PELP1: variants seen among roughly 807,000 people sequenced by gnomAD.
The protein encoded by PELP1 is proline-, glutamic acid- and leucine-rich protein 1.
PELP1 carries 32 observed loss-of-function variants against 95.5 expected under a neutral mutation model. The observed-to-expected ratio is 0.34, with a 90% CI of 0.25 to 0.45. The LOEUF (loss-of-function observed/expected upper bound fraction) is 0.45. Ranked by LOEUF, PELP1 falls within the 20% of genes least tolerant of loss-of-function variation. PELP1 has a pLI of 1.00. For synonymous variants in PELP1, 668 were observed against 600.1 expected, an observed-to-expected ratio of 1.11 and a Z score of -1.65; for missense variants, 1,358 against 1,444.8, an observed-to-expected ratio of 0.94 and a Z score of 0.97.
chr17:4,671,567 A>G, intron 16 of PELP1, 36 bp from the exon 17 acceptor site: 1 of 1,611,188 alleles, frequency 6.2e-7, no homozygotes, highest in South Asian at 1.1e-5. Flanking sequence ...CAGAATAGTC[A>G]CACACACATA....
chr17:4,671,817 G>A lies in PELP1; in HGVS notation c.3174C>T (p.Pro1058=), dbSNP rs537403472. 2.6e-6 allele frequency: 4 copies of A among 1,512,824 alleles called. No individual in the cohort carries two copies. Among genetic ancestry groups the A allele is most frequent in the South Asian group, 2.8e-5 (2 of 72,498 alleles). 93.7% of individuals were successfully genotyped at this position (1,512,824 alleles called of 1,614,324 possible). A position where few individuals can be genotyped will look rare whatever the true frequency, so the allele number is the denominator to read the frequency against. The change falls in exon 16 of 17, where the codon CCC becomes CCT. Residue 1058 remains proline, a synonymous_variant. Transcript: ENST00000572293. Reference sequence around the variant, plus strand: ...CTTCCAACAGGGTTGGGGGAGCAGAGGGCTCTTCTTCAACAAGCTCCTGGG... The same window carrying A: ...CTTCCAACAGGGTTGGGGGAGCAGAAGGCTCTTCTTCAACAAGCTCCTGGG... ...PPPQELVEEE[P]SAPPTLLEEE... is the part of the protein sequence containing the mutation.
At chr17:4,676,260 C>T in intron 7 of PELP1, 97 bp downstream of exon 7, 1 of 1,577,706 alleles carries the variant, frequency 6.3e-7, no homozygotes, top group Non-Finnish European at 8.6e-7. Context: ...CCATTTTCCC[C>T]AAAAACCAAC....
intron 3 of PELP1, among the ~76,000 whole-genome samples, chr17:4,688,832 A>C (rs999210087): frequency 6.6e-6 from 1 of 152,218 alleles, no homozygotes; most frequent in African/African-American, 2.4e-5. Context: ...TTCTTCACAG[A>C]ACTCGAAAAA....
At chr17:4,689,576 C>T (rs1001823468) in intron 3 of PELP1, among the ~76,000 whole-genome samples, 12 of 152,194 alleles carry the variant, frequency 7.9e-5, no homozygotes, top group African/African-American at 2.9e-4. Flanking sequence ...ACATCACTAC[C>T]ATTTGATCCA....
chr17:4,672,251 C>T lies in PELP1; in HGVS notation c.2740G>A (p.Glu914Lys), dbSNP rs376883779. 54 of 1,552,792 alleles carry T rather than the reference C, an allele frequency of 3.5e-5. No individual in the cohort carries two copies. Among genetic ancestry groups the T allele is most frequent in the Non-Finnish European group, 7.8e-6 (9 of 1,147,546 alleles). ...EEEEEDFEEE[E>K]EDEEEYFEEE... is the part of the protein sequence containing the mutation. ...TCAAAATATTCCTCTTCATCCTCTT[C>T]CTCTTCCTCAAAGTCTTCCTCCTCT... Residue 914 changes from glutamate to lysine, a missense_variant, in exon 16 of 17, where the codon GAA becomes AAA. Glu to Lys is a moderately conservative substitution (Grantham distance 56). Around this residue, in one of 7 missense-constraint regions of PELP1, gnomAD observed 283 missense variants for 284.1 expected, o/e 1.00. Coordinates refer to ENST00000572293, the MANE Select transcript of PELP1 (RefSeq NM_014389.3).
Position 4,676,665 on chromosome 17 carries a change from A to G in PELP1, c.702+88T>C, listed in dbSNP as rs1310324417. On this transcript the variant is annotated intron_variant, in intron 6 of 16. Transcript: ENST00000572293. ...CCGAAGGACACAGATGGGCATATGAAGGCAGGACAGAAAAGCTAGAGGAGG... is the reference window on the plus strand; with the variant it reads ...CCGAAGGACACAGATGGGCATATGAGGGCAGGACAGAAAAGCTAGAGGAGG... 31 of 1,387,462 alleles carry G rather than the reference A, an allele frequency of 2.2e-5. 1 individual carries two copies. Among genetic ancestry groups the G allele is most frequent in the Non-Finnish European group, 2.9e-5 (29 of 997,950 alleles). The allele number at this position is 1,387,462 out of a possible 1,614,324, so 85.9% of individuals were successfully genotyped here.
chr17:4,697,517 GAAAC>G (rs2150566080), intron 1 of PELP1, among the ~76,000 whole-genome samples: 2 of 152,220 alleles, frequency 1.3e-5, no homozygotes, highest in South Asian at 2.1e-4. Context: ...CTGTCTCAAT[GAAAC>G]AAACAAACAA....
At chr17:4,697,477 G>A (rs544583112) in intron 1 of PELP1, among the ~76,000 whole-genome samples, 1 of 152,098 alleles carries the variant, frequency 6.6e-6, no homozygotes, top group Non-Finnish European at 1.5e-5. Flanking sequence ...TCGCGCCACT[G>A]CACTCCAGCC....
At chr17:4,700,794 G>A (rs1327450869) in intron 1 of PELP1, among the ~76,000 whole-genome samples, 1 of 151,492 alleles carries the variant, frequency 6.6e-6, no homozygotes, top group Admixed American at 6.6e-5. Context: ...AGGGGTGGTG[G>A]CACACCTGTA....
intron 6 of PELP1, 111 bp downstream of exon 6, chr17:4,676,642 G>A (rs9904806): frequency 0.051 from 69,605 of 1,372,666 alleles, 2,064 homozygotes; most frequent in Middle Eastern, 0.13. Flanking sequence ...CAATGAGGCC[G>A]AAGGACACAG....
rs11869912 is a variant in PELP1, at chr17:4,678,525, G to A, written c.643-1713C>T. 4.6e-3 allele frequency among the ~76,000 whole-genome samples: 700 copies of A among 152,302 alleles called. 2 individuals are homozygous for A. The highest frequency in any genetic ancestry group is 0.016 in the African/African-American group (680 of 41,556). ...CCAACAGAAGTCTGCTTATGTGACT[G>A]CAATAAAGCAGTGTACGGTGAAGCG... On this transcript the variant is annotated intron_variant, in intron 5 of 16. Coordinates refer to ENST00000572293, the MANE Select transcript of PELP1 (RefSeq NM_014389.3).
At chr17:4,698,750 A>G in intron 1 of PELP1, among the ~76,000 whole-genome samples, 1 of 151,080 alleles carries the variant, frequency 6.6e-6, no homozygotes, top group South Asian at 2.1e-4. Flanking sequence ...TGTTGTTGTT[A>G]TAATGGATGC....
Position 4,672,119 on chromosome 17 carries a change from C to T in PELP1, c.2872G>A (p.Glu958Lys). The T allele has an allele frequency of 6.4e-7, 1 of 1,553,214 alleles. No individual in the cohort carries two copies. Among genetic ancestry groups the T allele is most frequent in the Non-Finnish European group, 8.7e-7 (1 of 1,147,822 alleles). ...CCAAACTCCAGGTCTTCCACCTCTTCCAGTTCTTCTTCCTCCTCCTCATCC... is the reference window on the plus strand; with the variant it reads ...CCAAACTCCAGGTCTTCCACCTCTTTCAGTTCTTCTTCCTCCTCCTCATCC... ...EEDEEEEEEL[E>K]EVEDLEFGTA... The change falls in exon 16 of 17, where the codon GAA becomes AAA. Residue 958 changes from glutamate (E) to lysine (K), a missense_variant. Physicochemically the swap from Glu to Lys is moderately conservative, Grantham distance 56. This residue lies in a region of PELP1 where 283 missense variants were observed against 284.1 expected (regional missense o/e 1.00). Transcript: ENST00000572293.
intron 3 of PELP1, among the ~76,000 whole-genome samples, chr17:4,685,536 TC>T (rs1413449901): frequency 3.9e-5 from 6 of 152,064 alleles, no homozygotes; most frequent in Non-Finnish European, 8.8e-5. Flanking sequence ...CTGCCTGTAA[TC>T]CCAACACTTT....
rs920892083 is a variant in PELP1 at position 4,670,538 on chromosome 17, C to G, written c.*901G>C. 1 of 152,246 alleles carries G rather than the reference C, an allele frequency of 6.6e-6. No homozygotes were observed. Among genetic ancestry groups the G allele is most frequent in the African/African-American group, 2.4e-5 (1 of 41,426 alleles). 9.4% of individuals were successfully genotyped at this position (152,246 alleles called of 1,614,324 possible). On this transcript the variant is annotated 3_prime_UTR_variant, in exon 17 of 17. Coordinates refer to ENST00000572293, the MANE Select transcript of PELP1 (RefSeq NM_014389.3). ...AGGAGTTCAAGACCAGCCTGGCCAA[C>G]ATGGTGAAACCCCACCTCTACTAAA...
At chr17:4,693,744 A>G (rs1254178138) in intron 1 of PELP1, among the ~76,000 whole-genome samples, 1 of 152,222 alleles carries the variant, frequency 6.6e-6, no homozygotes, top group African/African-American at 2.4e-5. Context: ...AGAGTCCATC[A>G]CGCTGCTCAG....
intron 5 of PELP1, among the ~76,000 whole-genome samples, chr17:4,680,010 C>A (rs1228173079): frequency 1.3e-5 from 2 of 152,214 alleles, no homozygotes; most frequent in Non-Finnish European, 2.9e-5. Flanking sequence ...CAGCCACTAA[C>A]AATTGACTAG....
intron 1 of PELP1, among the ~76,000 whole-genome samples, chr17:4,696,227 G>A (rs559334238): frequency 1.3e-5 from 2 of 152,200 alleles, no homozygotes; most frequent in South Asian, 4.1e-4. Flanking sequence ...AGCTACTTGG[G>A]AGGCTAAGGT....
chr17:4,683,172 A>C (rs1567664188), intron 3 of PELP1: 8 of 899,768 alleles, frequency 8.9e-6, no homozygotes, highest in Non-Finnish European at 1.2e-5. Context: ...TGGGGGAAAA[A>C]AAGAGTAACA....
Sources: allele counts gnomAD v4.1 joint callset (sites outside exome capture counted in the v4.1 genomes callset), GRCh38; gene constraint gnomAD v4.1.1; regional missense constraint gnomAD v4.1.1; transcripts MANE v1.5; gene names NCBI Gene and HGNC (gene_info 2026-07-23, HGNC 2026-07-21).